BCAS3: variants seen among roughly 807,000 people sequenced by gnomAD.
BCAS3 encodes BCAS3 microtubule associated cell migration factor, also known as BCAS4/BCAS3 fusion.
BCAS3 carries 53 observed loss-of-function variants against 116.1 expected under a neutral mutation model. The observed-to-expected ratio is 0.46, with a 90% CI of 0.37 to 0.57. BCAS3 has a LOEUF of 0.57. Among genes scored for constraint, BCAS3 ranks in the 20% least tolerant of loss-of-function variants. BCAS3 has a pLI of 0.00. For synonymous variants in BCAS3, 391 were observed against 408.2 expected (o/e 0.96, Z 0.51); for missense variants, 917 against 1,165.4 (o/e 0.79, Z 3.10).
rs1426133310 is a variant in BCAS3, at chr17:61,347,625, C to G, written c.2426-20702C>G. ...TTATTGCTTTTGTCTGTCTCCTTTA[C>G]CAAATTTCCCATCATCCAGCATAGC... On this transcript the variant is annotated intron_variant, in intron 22 of 23. Coordinates refer to ENST00000407086, the MANE Select transcript of BCAS3 (RefSeq NM_017679.5). The surrounding 1 kb of genome is among the most constrained non-coding windows in gnomAD (Gnocchi z 4.3). 1.3e-5 allele frequency among the ~76,000 whole-genome samples: 2 copies of G among 152,172 alleles called. No individual in the cohort carries two copies. Among genetic ancestry groups the G allele is most frequent in the African/African-American group, 4.8e-5 (2 of 41,434 alleles).
Position 61,256,250 on chromosome 17 carries a change from TTTTGTTTGTTTG to T in BCAS3, c.2426-112057_2426-112046del, listed in dbSNP as rs75288690. Among the ~76,000 whole-genome samples the T allele has an allele frequency of 3.7e-4, 56 of 151,704 alleles. No individual in the cohort carries two copies. The highest frequency in any genetic ancestry group is 1.1e-3 in the African/African-American group (44 of 41,362). ...TCTTCAAGCCAAGAGGTAGTTTGGT[TTTTGTTTGTTTG>T]TTTGTTTGTTTGTTTGTTTTTCATT... On this transcript the variant is annotated intron_variant, in intron 22 of 23. Coordinates refer to ENST00000407086, the MANE Select transcript of BCAS3 (RefSeq NM_017679.5). This position sits in a 1 kb window ranked among gnomAD's most constrained non-coding sequence, Gnocchi z 5.6.
chr17:60,896,212 C>A (rs2057499794), intron 10 of BCAS3, among the ~76,000 whole-genome samples: 1 of 152,176 alleles, frequency 6.6e-6, no homozygotes, highest in South Asian at 2.1e-4. Flanking sequence ...GTAATCCCAG[C>A]CACTTGGGAG....
intron 22 of BCAS3, among the ~76,000 whole-genome samples, chr17:61,115,787 C>T (rs1164450155): frequency 6.7e-6 from 1 of 149,700 alleles, no homozygotes; most frequent in Non-Finnish European, 1.5e-5. Context: ...AAGACACATG[C>T]ACACGTATGT....
intron 22 of BCAS3, among the ~76,000 whole-genome samples, chr17:61,359,733 C>T (rs559786087): frequency 2.0e-5 from 3 of 152,256 alleles, no homozygotes; most frequent in South Asian, 2.1e-4. Flanking sequence ...TCAGGTGATC[C>T]GCCCACCTTG....
intron 6 of BCAS3, among the ~76,000 whole-genome samples, chr17:60,807,602 C>T (rs993184023): frequency 3.9e-5 from 6 of 151,938 alleles, no homozygotes; most frequent in Middle Eastern, 3.4e-3. Flanking sequence ...ACCAACATGG[C>T]GAAACCCTGT....
At chr17:60,833,306 CT>C (rs879293029) in intron 7 of BCAS3, among the ~76,000 whole-genome samples, 14 of 152,154 alleles carry the variant, frequency 9.2e-5, no homozygotes, top group Non-Finnish European at 7.4e-5. Flanking sequence ...ACTAATAGCA[CT>C]TTTTTTATAA....
chr17:61,152,962 A>G (rs1273660891), intron 22 of BCAS3, among the ~76,000 whole-genome samples: 1 of 152,170 alleles, frequency 6.6e-6, no homozygotes, highest in Non-Finnish European at 1.5e-5. Context: ...CCTTCTTTTG[A>G]AAGAAATTTT....
At chr17:60,856,854 T>G (rs2053721299) in intron 7 of BCAS3, among the ~76,000 whole-genome samples, 1 of 152,240 alleles carries the variant, frequency 6.6e-6, no homozygotes, top group East Asian at 1.9e-4. Context: ...TAATTTTCAA[T>G]AAAAGAAGCA....
rs938096332 is a variant in BCAS3, at chr17:61,258,802, G to T, written c.2426-109525G>T. On this transcript the variant is annotated intron_variant, in intron 22 of 23. Transcript: ENST00000407086. The surrounding 1 kb of genome is among the most constrained non-coding windows in gnomAD (Gnocchi z 4.7). ...TCTGTGGAAGAACCACAGAACACTA[G>T]CTAAATATTGACAACTGACTATGCC... Among the ~76,000 whole-genome samples, 32 of 152,316 alleles carry T rather than the reference G, an allele frequency of 2.1e-4. No homozygotes were observed. The highest frequency in any genetic ancestry group is 7.8e-4 in the Admixed American group (12 of 15,304).
At chr17:61,237,732 C>T (rs1381425541) in intron 22 of BCAS3, among the ~76,000 whole-genome samples, 2 of 152,208 alleles carry the variant, frequency 1.3e-5, no homozygotes, top group Non-Finnish European at 2.9e-5. Context: ...CCCAAGACTG[C>T]TCAGCCCATA....
chr17:61,389,235 T>C (rs2060008887), intron 23 of BCAS3: 1 of 154,026 alleles, frequency 6.5e-6, no homozygotes, highest in African/African-American at 2.4e-5. Context: ...GAGTAGGTGT[T>C]CTGGGGCTTT....
At chr17:61,242,487 C>T (rs998756607) in intron 22 of BCAS3, among the ~76,000 whole-genome samples, 5 of 151,964 alleles carry the variant, frequency 3.3e-5, no homozygotes, top group African/African-American at 9.7e-5. Context: ...GAGTGTAGCC[C>T]TCCTCCCTTC....
intron 22 of BCAS3, among the ~76,000 whole-genome samples, chr17:61,238,260 T>C (rs1254977764): frequency 7.4e-5 from 11 of 149,232 alleles, no homozygotes; most frequent in Non-Finnish European, 3.0e-5. Context: ...TTCGCTCTTG[T>C]TGCTCAGGCT....
chr17:61,218,514 T>G (rs1286866130), intron 22 of BCAS3, among the ~76,000 whole-genome samples: 1 of 152,162 alleles, frequency 6.6e-6, no homozygotes, highest in South Asian at 2.1e-4. Context: ...TTATAATTAT[T>G]TTGGTAATGA....
chr17:61,163,183 G>A (rs993223608), intron 22 of BCAS3, among the ~76,000 whole-genome samples: 3 of 152,206 alleles, frequency 2.0e-5, no homozygotes, highest in Admixed American at 1.3e-4. Flanking sequence ...CCAGCACCTG[G>A]GGAGGCCGAG....
At chr17:60,835,463 A>C (rs1351069704) in intron 7 of BCAS3, among the ~76,000 whole-genome samples, 1 of 152,094 alleles carries the variant, frequency 6.6e-6, no homozygotes, top group Non-Finnish European at 1.5e-5. Flanking sequence ...AGATTTCCTA[A>C]TCAACCAGTA....
At chr17:61,173,353 G>A (rs2078963929) in intron 22 of BCAS3, among the ~76,000 whole-genome samples, 1 of 151,200 alleles carries the variant, frequency 6.6e-6, no homozygotes, top group Non-Finnish European at 1.5e-5. Flanking sequence ...GGAGGCTGAG[G>A]CATGAGAATC....
chr17:60,759,115 A>G (rs1368325314), intron 6 of BCAS3, among the ~76,000 whole-genome samples: 1 of 152,030 alleles, frequency 6.6e-6, no homozygotes, highest in Non-Finnish European at 1.5e-5. Flanking sequence ...CTGGGACTAC[A>G]GGCACATGCC....
rs1414992963 is a variant in BCAS3 at position 61,380,374 on chromosome 17, T to C, written c.2594-11603T>C. ...ATGTGCTGTGCCTGGGAACAGACCA[T>C]GAACACCCCCGCAAAGCTCTCAGTG... On this transcript the variant is annotated intron_variant, in intron 23 of 23. Transcript: ENST00000407086. This position sits in a 1 kb window ranked among gnomAD's most constrained non-coding sequence, Gnocchi z 4.2. 2.6e-6 allele frequency: 2 copies of C among 768,304 alleles called. No homozygotes were observed. Among genetic ancestry groups the C allele is most frequent in the Admixed American group, 2.1e-5 (1 of 47,786 alleles). 47.6% of individuals were successfully genotyped at this position (768,304 alleles called of 1,614,324 possible). A position where few individuals can be genotyped will look rare whatever the true frequency, so the allele number is the denominator to read the frequency against.
Sources: allele counts gnomAD v4.1 joint callset (sites outside exome capture counted in the v4.1 genomes callset), GRCh38; gene constraint gnomAD v4.1.1; non-coding constraint Gnocchi (gnomAD v3.1); transcripts MANE v1.5; gene names NCBI Gene and HGNC (gene_info 2026-07-23, HGNC 2026-07-21).